The following TGFBR3 variants were observed in gnomAD, a reference collection of about 807,000 sequenced individuals.
TGFBR3 encodes the protein transforming growth factor beta receptor type 3.
In TGFBR3, 46 loss-of-function variants were observed where a neutral mutation model predicts 87.9. The observed-to-expected ratio is 0.52, with a 90% CI of 0.41 to 0.67. The LOEUF (loss-of-function observed/expected upper bound fraction) is 0.67, where lower values mean the gene tolerates loss of function less well. Among genes scored for constraint, TGFBR3 ranks in the 30% least tolerant of loss-of-function variants. TGFBR3 has a pLI of 0.00. For synonymous variants in TGFBR3, 381 were observed against 391.6 expected, an observed-to-expected ratio of 0.97 and a Z score of 0.32; for missense variants, 866 against 1,041.9, an observed-to-expected ratio of 0.83 and a Z score of 2.32.
At chr1:91,712,992 A>G (rs1001955488) in intron 12 of TGFBR3, among the ~76,000 whole-genome samples, 1 of 152,250 alleles carries the variant, frequency 6.6e-6, no homozygotes, top group Non-Finnish European at 1.5e-5. Context: ...GGCAAAATCT[A>G]TTTAACCTAG....
chr1:91,684,600 T>C (rs1671028124), intron 16 of TGFBR3, among the ~76,000 whole-genome samples: 2 of 152,076 alleles, frequency 1.3e-5, no homozygotes, highest in Admixed American at 6.5e-5. Flanking sequence ...CCCACTGCAT[T>C]TTAGCTAAAG....
At chr1:91,740,270 G>A (rs1447747299) in intron 4 of TGFBR3, among the ~76,000 whole-genome samples, 1 of 151,830 alleles carries the variant, frequency 6.6e-6, no homozygotes, top group African/African-American at 2.4e-5. Flanking sequence ...TGTTGGCAAG[G>A]CTGGTCTCAA....
intron 5 of TGFBR3, 96 bp downstream of exon 5, chr1:91,734,679 GT>G: frequency 1.4e-6 from 2 of 1,472,236 alleles, no homozygotes; most frequent in South Asian, 2.3e-5. Context: ...CCAACATTCT[GT>G]AATTCTGTGA....
intron 2 of TGFBR3, among the ~76,000 whole-genome samples, chr1:91,825,481 G>A (rs1268563472): frequency 6.6e-6 from 1 of 152,222 alleles, no homozygotes; most frequent in Non-Finnish European, 1.5e-5. Context: ...AGGGCCTGGG[G>A]AAAGGGAAGA....
At chr1:91,700,452 T>C (rs1241713914) in intron 14 of TGFBR3, among the ~76,000 whole-genome samples, 1 of 152,088 alleles carries the variant, frequency 6.6e-6, no homozygotes, top group African/African-American at 2.4e-5. Flanking sequence ...CTCCGATGGG[T>C]GGGTCAACAT....
chr1:91,787,354 A>T (rs911598906), intron 3 of TGFBR3, among the ~76,000 whole-genome samples: 1 of 152,134 alleles, frequency 6.6e-6, no homozygotes, highest in Non-Finnish European at 1.5e-5. Context: ...CATTTTACAG[A>T]TGAGGAAACA....
intron 3 of TGFBR3, among the ~76,000 whole-genome samples, chr1:91,771,831 G>A (rs1674388768): frequency 6.6e-6 from 1 of 151,890 alleles, no homozygotes; most frequent in Admixed American, 6.6e-5. Flanking sequence ...GACTTCAAAT[G>A]TGAGTCAGAC....
chr1:91,814,724 T>G (rs991970528), intron 2 of TGFBR3, among the ~76,000 whole-genome samples: 22 of 152,178 alleles, frequency 1.4e-4, no homozygotes, highest in Admixed American at 6.5e-5. Flanking sequence ...CTTAGGAATA[T>G]TAAAGACAAT....
intron 3 of TGFBR3, among the ~76,000 whole-genome samples, chr1:91,777,046 C>T (rs1189263744): frequency 6.6e-6 from 1 of 152,204 alleles, no homozygotes; most frequent in African/African-American, 2.4e-5. Flanking sequence ...AACAAAAACT[C>T]AATCACCTGT....
At chr1:91,890,903 CT>C (rs113072379), upstream of TGFBR3, among the ~76,000 whole-genome samples, 64,915 of 146,812 alleles carry the variant, frequency 0.44, 14,241 homozygotes, top group Non-Finnish European at 0.48. Context: ...CTCATATTTC[CT>C]TTTTTTTTTT....
At chr1:91,739,189 G>T (rs1673064733) in intron 4 of TGFBR3, among the ~76,000 whole-genome samples, 1 of 152,152 alleles carries the variant, frequency 6.6e-6, no homozygotes, top group Non-Finnish European at 1.5e-5. Flanking sequence ...GTTTTCGCAG[G>T]ATGGCTCTGG....
chr1:91,831,347 C>T (rs1180203149), intron 2 of TGFBR3, among the ~76,000 whole-genome samples: 1 of 152,242 alleles, frequency 6.6e-6, no homozygotes, highest in Non-Finnish European at 1.5e-5. Flanking sequence ...AGTCTTTAGA[C>T]TCATTCCCAT....
chr1:91,739,805 G>A (rs1466304895), intron 4 of TGFBR3, among the ~76,000 whole-genome samples: 2 of 152,190 alleles, frequency 1.3e-5, no homozygotes, highest in East Asian at 3.9e-4. Context: ...TGTACAGGAA[G>A]CATGGCTGGG....
intron 2 of TGFBR3, among the ~76,000 whole-genome samples, chr1:91,831,977 TA>T (rs917978932): frequency 2.6e-5 from 4 of 152,260 alleles, no homozygotes; most frequent in African/African-American, 9.6e-5. Flanking sequence ...CTTTTCTCCT[TA>T]AAATTGTCAT....
rs1337867956 is a variant in TGFBR3 at position 91,829,391 on chromosome 1, C to CA, written c.62-31921dup. Among the ~76,000 whole-genome samples, 31 of 123,406 alleles carry CA rather than the reference C, an allele frequency of 2.5e-4. No individual in the cohort carries two copies. In the East Asian group the frequency reaches 3.2e-3, roughly 13 times the overall value. 81.0% of individuals were successfully genotyped at this position (123,406 alleles called of 152,430 possible). A position where few individuals can be genotyped will look rare whatever the true frequency, so the allele number is the denominator to read the frequency against. On this transcript the variant is annotated intron_variant, in intron 2 of 16. Transcript: ENST00000212355. ...ACTCGAAGGTCTTCAAAAAAACAAA[C>CA]AAACAAAAAAAAAAAAACAAGGCAT...
chr1:91,837,150 A>T (rs904165387), intron 2 of TGFBR3, among the ~76,000 whole-genome samples: 2 of 152,112 alleles, frequency 1.3e-5, no homozygotes, highest in Non-Finnish European at 1.5e-5. Flanking sequence ...GTAAATACAG[A>T]CCTAATAATT....
chr1:91,693,440 TG>T (rs1232672331), intron 16 of TGFBR3, among the ~76,000 whole-genome samples: 1 of 152,126 alleles, frequency 6.6e-6, no homozygotes, highest in Non-Finnish European at 1.5e-5. Context: ...GTCTCTGGCT[TG>T]GGGGAAAAAG....
chr1:91,808,886 T>A (rs1461549782), intron 2 of TGFBR3, among the ~76,000 whole-genome samples: 1 of 152,210 alleles, frequency 6.6e-6, no homozygotes. Flanking sequence ...ATTTATGGGA[T>A]GTTACTGCCT....
intron 4 of TGFBR3, among the ~76,000 whole-genome samples, chr1:91,743,077 T>C (rs1450325170): frequency 6.6e-6 from 1 of 152,180 alleles, no homozygotes; most frequent in Non-Finnish European, 1.5e-5. Flanking sequence ...CACGGAAGCC[T>C]CAAGGTTGAT....
Sources: allele counts gnomAD v4.1 joint callset (sites outside exome capture counted in the v4.1 genomes callset), GRCh38; gene constraint gnomAD v4.1.1; transcripts MANE v1.5; gene names NCBI Gene and HGNC (gene_info 2026-07-23, HGNC 2026-07-21).